Variants in WASF1 observed in about 807,000 individuals in gnomAD.
WASF1 encodes the protein WASP family member 1.
A neutral mutation model predicts 50.5 loss-of-function variants in WASF1; 7 were observed. The ratio of observed to expected loss-of-function variants is 0.14; its 90% CI spans 0.08 to 0.26. The LOEUF is 0.26. WASF1 is among the 10% of genes least tolerant of loss of function. The pLI is 1.00. For missense variants in WASF1, 470 were observed against 694.7 expected (o/e 0.68, Z 3.64); for synonymous variants, 205 against 244.0 (o/e 0.84, Z 1.49).
chr6:110,150,467 A>G (rs1409555869), intron 3 of WASF1, among the ~76,000 whole-genome samples: 2 of 152,154 alleles, frequency 1.3e-5, no homozygotes, highest in Non-Finnish European at 2.9e-5. Flanking sequence ...TAAATAATTT[A>G]AAAATCAGTT....
At chr6:110,133,265 C>A (rs1002782732) in intron 3 of WASF1, among the ~76,000 whole-genome samples, 8 of 152,020 alleles carry the variant, frequency 5.3e-5, no homozygotes, top group Non-Finnish European at 1.0e-4. Context: ...CTATATACAT[C>A]CATATTTTTG....
At chr6:110,159,881 T>C (rs1468058405) in intron 3 of WASF1, among the ~76,000 whole-genome samples, 1 of 151,822 alleles carries the variant, frequency 6.6e-6, no homozygotes, top group Non-Finnish European at 1.5e-5. Context: ...GCTCAAAATG[T>C]TTCGGATTTT....
At position 110,170,950 on chromosome 6, in the gene WASF1, T is replaced by C. The variant is rs565647568; in HGVS notation, c.-127+7648A>G. 2.8e-4 allele frequency among the ~76,000 whole-genome samples: 43 copies of C among 152,242 alleles called. 1 individual carries two copies. The Middle Eastern group carries it at 0.01, about 36-fold the overall frequency. The stretch of plus-strand genomic sequence containing the variant: ...GAGCATCAAAATGTGAAGCAAAAAC[T>C]GATAAAACTACAAGGGGAAACATGA... On this transcript the variant is annotated intron_variant, in intron 2 of 10. Transcript: ENST00000392589.
chr6:110,152,651 G>A (rs1775874442), intron 3 of WASF1, among the ~76,000 whole-genome samples: 1 of 152,140 alleles, frequency 6.6e-6, no homozygotes. Context: ...TCAGTGCCAT[G>A]ATTTTGGACT....
intron 3 of WASF1, among the ~76,000 whole-genome samples, chr6:110,147,999 A>T (rs1775653129): frequency 6.6e-6 from 1 of 152,146 alleles, no homozygotes; most frequent in Non-Finnish European, 1.5e-5. Flanking sequence ...CTCCTGCCTT[A>T]GCCTTTCAAA....
At chr6:110,112,478 T>A (rs1773600677) in intron 5 of WASF1, among the ~76,000 whole-genome samples, 1 of 152,210 alleles carries the variant, frequency 6.6e-6, no homozygotes, top group African/African-American at 2.4e-5. Flanking sequence ...TGATTTAATA[T>A]CTTGGTATAG....
At chr6:110,153,532 T>C (rs184212181) in intron 3 of WASF1, among the ~76,000 whole-genome samples, 2 of 152,294 alleles carry the variant, frequency 1.3e-5, no homozygotes, top group Admixed American at 1.3e-4. Context: ...CTTGGCATTG[T>C]CAACCTTTTT....
At chr6:110,168,425 T>A (rs1398230907) in intron 2 of WASF1, among the ~76,000 whole-genome samples, 2 of 152,148 alleles carry the variant, frequency 1.3e-5, no homozygotes. Flanking sequence ...ATTTTTATGA[T>A]GTTAACACTA....
chr6:110,155,509 A>T (rs73535838), intron 3 of WASF1, among the ~76,000 whole-genome samples: 24,855 of 123,702 alleles, frequency 0.2, 5,036 homozygotes, highest in African/African-American at 0.48. Context: ...GATTACAGGT[A>T]GGACTACATT....
rs551370150 is a variant in WASF1 at position 110,165,401 on chromosome 6, G to A, written c.-126-4669C>T. Among the ~76,000 whole-genome samples, 290 of 151,646 alleles carry A rather than the reference G, an allele frequency of 1.9e-3. 1 individual carries two copies. The highest frequency in any genetic ancestry group is 2.2e-3 in the Non-Finnish European group (146 of 67,652). On this transcript the variant is annotated intron_variant, in intron 2 of 10. Transcript: ENST00000392589. ...AGATGTGAATGTACTTAATGCCACT[G>A]AACTATATACACTTTCAAATGATTA...
chr6:110,167,608 C>A (rs1183038583), intron 2 of WASF1, among the ~76,000 whole-genome samples: 4 of 152,016 alleles, frequency 2.6e-5, no homozygotes, highest in African/African-American at 9.7e-5. Context: ...TCTAAGCTCA[C>A]TTCATTAGTA....
intron 10 of WASF1, among the ~76,000 whole-genome samples, chr6:110,101,309 G>A (rs1440233100): frequency 6.6e-6 from 1 of 152,052 alleles, no homozygotes; most frequent in East Asian, 1.9e-4. Flanking sequence ...TTAATTAAAT[G>A]TTCTATAACA....
rs1364180711 is a variant in WASF1 at position 110,103,482 on chromosome 6, A to C, written c.789T>G (p.Leu263=). 4.3e-6 allele frequency: 7 copies of C among 1,613,952 alleles called. No individual in the cohort carries two copies. Among genetic ancestry groups the C allele is most frequent in the Non-Finnish European group, 5.9e-6 (7 of 1,179,954 alleles). ...ATACCCTTTCCTCAGCTCTAGTCAG[A>C]AGCTCACTCATCTGACTAAATGGCA... ...SALPFSQMSE[L]LTRAEERVLV... is the part of the protein sequence containing the mutation. Residue 263 remains leucine (L), a synonymous_variant, in exon 9 of 11, where the codon CTT becomes CTG. Transcript: ENST00000392589.
intron 6 of WASF1, 105 bp from the exon 7 acceptor site, chr6:110,107,299 G>C: frequency 1.4e-6 from 1 of 727,718 alleles, no homozygotes; most frequent in South Asian, 2.1e-5. Flanking sequence ...ATAAAATACA[G>C]CATGTTAAAA....
At chr6:110,142,952 T>TAAAAAAAAAAAA (rs5879060) in intron 3 of WASF1, among the ~76,000 whole-genome samples, 6 of 119,180 alleles carry the variant, frequency 5.0e-5, no homozygotes, top group African/African-American at 1.3e-4. Context: ...CCCAATGATG[T>TAAAAAAAAAAAA]AAAAAAAAAA....
chr6:110,105,883 TGA>T (rs2114457496), intron 7 of WASF1, among the ~76,000 whole-genome samples: 1 of 152,326 alleles, frequency 6.6e-6, no homozygotes, highest in South Asian at 2.1e-4. Context: ...AAAAGACTCA[TGA>T]ACCCTTGCTC....
At chr6:110,109,582 C>T (rs1352740965) in intron 5 of WASF1, among the ~76,000 whole-genome samples, 1 of 147,476 alleles carries the variant, frequency 6.8e-6, no homozygotes, top group African/African-American at 2.5e-5. Context: ...GACAGAGTCT[C>T]GCTGTGTCAC....
At chr6:110,128,621 C>T (rs1041900957) in intron 3 of WASF1, among the ~76,000 whole-genome samples, 1 of 152,210 alleles carries the variant, frequency 6.6e-6, no homozygotes, top group African/African-American at 2.4e-5. Context: ...AACAACACTG[C>T]CCAACACCAT....
rs1187757800 is a variant in WASF1 at position 110,102,060 on chromosome 6, A to G, written c.1050T>C (p.Pro350=). The G allele has an allele frequency of 2.0e-6, 3 of 1,488,838 alleles. No individual in the cohort carries two copies. Among genetic ancestry groups the G allele is most frequent in the Admixed American group, 2.3e-5 (1 of 42,650 alleles). The allele number at this position is 1,488,838 out of a possible 1,614,324, so 92.2% of individuals were successfully genotyped here. ...GAGGTGGAGGTGGGGGAGGTACTGG[A>G]GGGGGAGGAGTTGAAGTCATTGAAG... ...LRASMTSTPP[P]PVPPPPPPPA... is the part of the protein sequence containing the mutation. The change falls in exon 10 of 11, where the codon CCT becomes CCC. Residue 350 remains proline, a synonymous_variant. Transcript: ENST00000392589.
Sources: allele counts gnomAD v4.1 joint callset (sites outside exome capture counted in the v4.1 genomes callset), GRCh38; gene constraint gnomAD v4.1.1; transcripts MANE v1.5; gene names NCBI Gene and HGNC (gene_info 2026-07-23, HGNC 2026-07-21).